CD276: variants seen among roughly 807,000 people sequenced by gnomAD.
CD276 encodes CD276 antigen.
In CD276, 34 loss-of-function variants were observed where a neutral mutation model predicts 50.0. The observed-to-expected ratio is 0.68, with a 90% CI of 0.52 to 0.91. CD276 has a LOEUF of 0.91. Among genes scored for constraint, CD276 ranks in the 40% least tolerant of loss-of-function variants. The pLI, the probability that CD276 is intolerant of heterozygous loss-of-function variation, is 0.00. For synonymous variants in CD276, 275 were observed against 313.0 expected (o/e 0.88, Z 1.28); for missense variants, 634 against 717.5 (o/e 0.88, Z 1.33).
intron 2 of CD276, among the ~76,000 whole-genome samples, chr15:73,700,083 G>A (rs1013636144): frequency 2.6e-5 from 4 of 152,042 alleles, no homozygotes; most frequent in African/African-American, 9.7e-5. Context: ...TCCTCTCAAG[G>A]CTCTCCTAGC....
rs1361274893 is a variant in CD276 at position 73,687,865 on chromosome 15, CT to C, written c.-55+3406del. On this transcript the variant is annotated intron_variant, in intron 1 of 9. Coordinates refer to ENST00000318443, the MANE Select transcript of CD276 (RefSeq NM_001024736.2). The surrounding 1 kb of genome is among the most constrained non-coding windows in gnomAD (Gnocchi z 4.0). The stretch of plus-strand genomic sequence containing the variant: ...CTTGGAGCAGGGAGAGATACTGTCT[CT>C]GGGAGGCAGGGGTCCCAAGTTACCC... Among the ~76,000 whole-genome samples the C allele has an allele frequency of 2.0e-5, 3 of 152,118 alleles. No individual in the cohort carries two copies. The highest frequency in any genetic ancestry group is 4.8e-5 in the African/African-American group (2 of 41,426).
Position 73,709,629 on chromosome 15 carries a change from T to G in CD276, c.1505-19T>G. 6.2e-7 allele frequency: 1 copy of G among 1,612,686 alleles called. No homozygotes were observed. Among genetic ancestry groups the G allele is most frequent in the Non-Finnish European group, 8.5e-7 (1 of 1,179,382 alleles). Reference sequence around the variant, plus strand: ...GCTTGCAAAAGATTTTTGTTTATTCTGAGTTCTTGCCTTTGCAGGAGCTGA... The same window carrying G: ...GCTTGCAAAAGATTTTTGTTTATTCGGAGTTCTTGCCTTTGCAGGAGCTGA... On this transcript the variant is annotated intron_variant, in intron 7 of 9. Coordinates refer to ENST00000318443, the MANE Select transcript of CD276 (RefSeq NM_001024736.2).
Position 73,704,175 on chromosome 15 carries a change from G to A in CD276, c.1073-1G>A, listed in dbSNP as rs1316667519. The A allele has an allele frequency of 6.2e-7, 1 of 1,610,530 alleles. No homozygotes were observed. Among genetic ancestry groups the A allele is most frequent in the Non-Finnish European group, 8.5e-7 (1 of 1,178,310 alleles). ...TGACCCCTGCCCTCTGTCACCTCCA[G>A]CTCCCTACTCGAAGCCCAGCATGAC... On this transcript the variant is annotated splice_acceptor_variant, in intron 5 of 9. Transcript: ENST00000318443. LOFTEE classifies it high-confidence loss of function. The surrounding 1 kb of genome is among the most constrained non-coding windows in gnomAD (Gnocchi z 4.1).
At chr15:73,708,274 T>G in intron 6 of CD276, 65 bp from the exon 7 acceptor site, 1 of 1,577,598 alleles carries the variant, frequency 6.3e-7, no homozygotes, top group South Asian at 1.2e-5. Context: ...TTGGAGCCAA[T>G]GGTGCTGTCC....
intron 1 of CD276, among the ~76,000 whole-genome samples, chr15:73,693,089 C>G (rs1260986834): frequency 6.6e-6 from 1 of 152,174 alleles, no homozygotes; most frequent in Non-Finnish European, 1.5e-5. Context: ...TAGGAACACT[C>G]CTAACCCCGG....
rs1482969408 is a variant in CD276 at position 73,704,666 on chromosome 15, T to C, written c.1369+194T>C. Among the ~76,000 whole-genome samples the C allele has an allele frequency of 6.6e-6, 1 of 152,232 alleles. No individual in the cohort carries two copies. Among genetic ancestry groups the C allele is most frequent in the Non-Finnish European group, 1.5e-5 (1 of 68,042 alleles). On this transcript the variant is annotated intron_variant, in intron 6 of 9. Transcript: ENST00000318443. The surrounding 1 kb of genome is among the most constrained non-coding windows in gnomAD (Gnocchi z 4.1). ...ATAAGAACCATTTATAATGTTTGCC[T>C]TCCTAAGAGTGCTTTTCGTGGCACT...
intron 6 of CD276, among the ~76,000 whole-genome samples, chr15:73,706,827 A>G (rs906760717): frequency 3.3e-5 from 5 of 152,216 alleles, no homozygotes; most frequent in Non-Finnish European, 7.3e-5. Context: ...TTGGGTGAAC[A>G]GGGCAAATGT....
Position 73,711,627 on chromosome 15 carries a change from T to C in CD276, c.1582+457T>C, listed in dbSNP as rs1439502426. 10 of 171,414 alleles carry C rather than the reference T, an allele frequency of 5.8e-5. No individual in the cohort carries two copies. The South Asian group carries it at 1.4e-3, about 24-fold the overall frequency. The allele number at this position is 171,414 out of a possible 1,614,324, so 10.6% of individuals were successfully genotyped here. On this transcript the variant is annotated intron_variant, in intron 9 of 9. Transcript: ENST00000318443. ...TAGCCTGCATCACTTCCGCTTACAT[T>C]CCATTGGTCAGAACCCAGGCATATG...
chr15:73,712,925 G>C lies in CD276; in HGVS notation c.1583-9G>C, dbSNP rs369016270. 1.9e-5 allele frequency: 30 copies of C among 1,613,136 alleles called. No individual in the cohort carries two copies. The African/African-American group carries it at 3.9e-4, about 21-fold the overall frequency. On this transcript the variant is annotated splice_polypyrimidine_tract_variant and intron_variant, in intron 9 of 9. Coordinates refer to ENST00000318443, the MANE Select transcript of CD276 (RefSeq NM_001024736.2). ...CTTCCCTTTTTTTTCTTCCCATCAT[G>C]AAATGAAGATGATGGACAAGAAATA...
At chr15:73,697,567 A>ATTTTTTT in intron 1 of CD276, 1 of 133,626 alleles carries the variant, frequency 7.5e-6, no homozygotes, top group African/African-American at 2.9e-5. Context: ...CTGGGCTTTA[A>ATTTTTTT]TTTTTTTTTT....
chr15:73,710,137 G>A (rs532132476), intron 8 of CD276, among the ~76,000 whole-genome samples: 24 of 152,306 alleles, frequency 1.6e-4, no homozygotes, highest in African/African-American at 5.5e-4. Context: ...TAGGTTGTTT[G>A]AATTATTAAT....
intron 4 of CD276, among the ~76,000 whole-genome samples, 160 bp from the exon 5 acceptor site, chr15:73,703,499 C>T (rs993355131): frequency 1.3e-5 from 2 of 152,174 alleles, no homozygotes; most frequent in African/African-American, 4.8e-5. Flanking sequence ...GACTCCATAT[C>T]TGAGAGTCCT....
intron 1 of CD276, 123 bp from the exon 2 acceptor site, chr15:73,699,463 T>C (rs1900292339): frequency 7.7e-7 from 1 of 1,299,978 alleles, no homozygotes; most frequent in Non-Finnish European, 1.0e-6. Flanking sequence ...CGGTGGGATA[T>C]GGGAATGAGG....
intron 1 of CD276, among the ~76,000 whole-genome samples, chr15:73,689,621 G>A (rs769945742): frequency 2.6e-5 from 4 of 152,170 alleles, no homozygotes; most frequent in Non-Finnish European, 4.4e-5. Flanking sequence ...ATCATCCTAT[G>A]AGGGTAAGGT....
In CD276 at chr15:73,713,676, G is replaced by A. The variant is rs1280071520; in HGVS notation, c.*720G>A. ...GCTGGAACACGTGTGGTTCCCCCCT[G>A]GCCCAGCCTCCTCTGCAGTGCCCCT... On this transcript the variant is annotated 3_prime_UTR_variant, in exon 10 of 10. Coordinates refer to ENST00000318443, the MANE Select transcript of CD276 (RefSeq NM_001024736.2). 2.4e-6 allele frequency: 1 copy of A among 418,776 alleles called. No individual in the cohort carries two copies. The highest frequency in any genetic ancestry group is 4.7e-6 in the Non-Finnish European group (1 of 212,938). The allele number at this position is 418,776 out of a possible 1,614,324, so 25.9% of individuals were successfully genotyped here. A position where few individuals can be genotyped will look rare whatever the true frequency, so the allele number is the denominator to read the frequency against.
At position 73,703,980 on chromosome 15, in the gene CD276, T is replaced by A. The variant is rs1900534961; in HGVS notation, c.1055T>A (p.Val352Asp). ...VSIRDFGSAA[V>D]SLQVAAPYSK... Reference sequence around the variant, plus strand: ...ATCCGGGATTTCGGCAGCGCTGCCGTCAGCCTGCAGGTGGCCGGTGAGCAC... The same window carrying A: ...ATCCGGGATTTCGGCAGCGCTGCCGACAGCCTGCAGGTGGCCGGTGAGCAC... The change falls in exon 5 of 10, where the codon GTC (valine) becomes GAC (aspartate). Residue 352 changes from valine to aspartate, a missense_variant. By Grantham distance (152) the Val-to-Asp change is radical. Coordinates refer to ENST00000318443, the MANE Select transcript of CD276 (RefSeq NM_001024736.2). The A allele has an allele frequency of 6.2e-7, 1 of 1,610,076 alleles. No individual in the cohort carries two copies. Among genetic ancestry groups the A allele is most frequent in the African/African-American group, 1.3e-5 (1 of 74,920 alleles).
At chr15:73,690,215 C>T (rs8041523) in intron 1 of CD276, among the ~76,000 whole-genome samples, 51,314 of 152,094 alleles carry the variant, frequency 0.34, 9,416 homozygotes, top group Non-Finnish European at 0.41. Flanking sequence ...CCATTATGTG[C>T]CAAGCCATTG....
intron 1 of CD276, among the ~76,000 whole-genome samples, chr15:73,693,572 T>A (rs1436235033): frequency 6.6e-6 from 1 of 151,214 alleles, no homozygotes; most frequent in Non-Finnish European, 1.5e-5. Flanking sequence ...CAGCAATGAG[T>A]GTGAGTGACT....
At chr15:73,702,738 C>T (rs1159130818) in intron 3 of CD276, 34 bp from the exon 4 acceptor site, 1 of 1,594,688 alleles carries the variant, frequency 6.3e-7, no homozygotes, top group East Asian at 2.3e-5. Flanking sequence ...CTGCCATTGC[C>T]CTGCCCTTGA....
Sources: allele counts gnomAD v4.1 joint callset (sites outside exome capture counted in the v4.1 genomes callset), GRCh38; gene constraint gnomAD v4.1.1; non-coding constraint Gnocchi (gnomAD v3.1); transcripts MANE v1.5; gene names NCBI Gene and HGNC (gene_info 2026-07-23, HGNC 2026-07-21).